SMYD3: variants seen among roughly 807,000 people sequenced by gnomAD.
The protein encoded by SMYD3 is histone-lysine N-methyltransferase SMYD3.
A neutral mutation model predicts 57.7 loss-of-function variants in SMYD3; 36 were observed. That is an observed-to-expected ratio of 0.62 (90% confidence interval 0.48 to 0.82). The LOEUF (loss-of-function observed/expected upper bound fraction) is 0.82, where lower values mean the gene tolerates loss of function less well. SMYD3 is among the 40% of genes least tolerant of loss of function. The pLI, the probability that SMYD3 is intolerant of heterozygous loss-of-function variation, is 0.00. For synonymous variants in SMYD3, 211 were observed against 195.0 expected (o/e 1.08, Z -0.68); for missense variants, 515 against 538.8 (o/e 0.96, Z 0.44).
At chr1:245,749,956 G>A (rs1464056840) in intron 11 of SMYD3, among the ~76,000 whole-genome samples, 1 of 152,178 alleles carries the variant, frequency 6.6e-6, no homozygotes, top group Non-Finnish European at 1.5e-5. Flanking sequence ...GGTAGTCACA[G>A]GGATAAGAAG....
At chr1:246,494,689 T>C (rs2068328591) in intron 1 of SMYD3, among the ~76,000 whole-genome samples, 1 of 152,214 alleles carries the variant, frequency 6.6e-6, no homozygotes, top group Non-Finnish European at 1.5e-5. Context: ...ATCTACTTTC[T>C]AACAAGACGT....
chr1:246,188,182 A>C (rs991532852), intron 5 of SMYD3, among the ~76,000 whole-genome samples: 2 of 152,200 alleles, frequency 1.3e-5, no homozygotes, highest in African/African-American at 4.8e-5. Flanking sequence ...CTGGCACTAC[A>C]GCAAGAGCAA....
At chr1:245,950,442 T>C (rs1188794501) in intron 5 of SMYD3, among the ~76,000 whole-genome samples, 1 of 152,198 alleles carries the variant, frequency 6.6e-6, no homozygotes, top group South Asian at 2.1e-4. Flanking sequence ...CAGCAGGATC[T>C]GAGTACAGGT....
intron 7 of SMYD3, among the ~76,000 whole-genome samples, chr1:245,922,527 G>C (rs984659289): frequency 6.6e-6 from 1 of 152,138 alleles, no homozygotes; most frequent in African/African-American, 2.4e-5. Flanking sequence ...ATTCTGCTTT[G>C]ATACGTAAGA....
At chr1:245,991,752 C>G (rs967973091) in intron 5 of SMYD3, among the ~76,000 whole-genome samples, 2 of 152,194 alleles carry the variant, frequency 1.3e-5, no homozygotes, top group Non-Finnish European at 2.9e-5. Flanking sequence ...AACTGAACCC[C>G]AGAAACGGCC....
At chr1:246,002,696 A>C (rs10924442) in intron 5 of SMYD3, among the ~76,000 whole-genome samples, 62,952 of 64,694 alleles carry the variant, frequency 0.97, 30,645 homozygotes, top group Non-Finnish European at 0.98. Flanking sequence ...TCGTGATCCG[A>C]CCGCCTCAGC....
chr1:246,127,267 T>C (rs2061523520), intron 5 of SMYD3, among the ~76,000 whole-genome samples: 1 of 152,080 alleles, frequency 6.6e-6, no homozygotes, highest in South Asian at 2.1e-4. Context: ...CTGAGTCAAC[T>C]GCAGCACCAA....
intron 5 of SMYD3, among the ~76,000 whole-genome samples, chr1:246,081,788 G>A (rs1056759060): frequency 6.6e-6 from 1 of 152,138 alleles, no homozygotes; most frequent in African/African-American, 2.4e-5. Flanking sequence ...CCTGAGCAAT[G>A]TAGCTCATAC....
At chr1:246,362,317 T>G (rs4654103) in intron 1 of SMYD3, among the ~76,000 whole-genome samples, 80,803 of 152,050 alleles carry the variant, frequency 0.53, 22,349 homozygotes, top group Middle Eastern at 0.72. Flanking sequence ...AATTACTACT[T>G]TAGACATGCT....
intron 10 of SMYD3, among the ~76,000 whole-genome samples, chr1:245,799,207 T>C (rs546877117): frequency 6.6e-6 from 1 of 152,226 alleles, no homozygotes; most frequent in African/African-American, 2.4e-5. Flanking sequence ...CTGGTCCTCC[T>C]ACACAGCTGT....
At chr1:246,466,755 G>C (rs998713029) in intron 1 of SMYD3, among the ~76,000 whole-genome samples, 2 of 152,210 alleles carry the variant, frequency 1.3e-5, no homozygotes, top group African/African-American at 4.8e-5. Context: ...GGCTGATGGG[G>C]GAGGATCACT....
intron 10 of SMYD3, among the ~76,000 whole-genome samples, chr1:245,812,518 T>C (rs148406151): frequency 1.3e-5 from 2 of 152,136 alleles, no homozygotes; most frequent in Non-Finnish European, 2.9e-5. Flanking sequence ...GCATCCTCCA[T>C]TGTGACCAAC....
Position 245,772,513 on chromosome 1 carries a change from G to C in SMYD3, c.1077-8364C>G, listed in dbSNP as rs144738543. On this transcript the variant is annotated intron_variant, in intron 10 of 11. Coordinates refer to ENST00000490107, the MANE Select transcript of SMYD3 (RefSeq NM_001167740.2). The stretch of plus-strand genomic sequence containing the variant: ...AAAGGAAAAAAAAACAATTTAACTA[G>C]TCAGCCATGCTTGGTGTTGCACAGC... Among the ~76,000 whole-genome samples the C allele has an allele frequency of 2.0e-3, 301 of 152,178 alleles. 6 individuals carry two copies. Among genetic ancestry groups the C allele is most frequent in the African/African-American group, 6.8e-3 (282 of 41,520 alleles).
chr1:246,122,170 G>T lies in SMYD3; in HGVS notation c.532-192233C>A, dbSNP rs191279406. 1.4e-3 allele frequency among the ~76,000 whole-genome samples: 211 copies of T among 152,272 alleles called. 1 individual carries two copies. The highest frequency in any genetic ancestry group is 1.9e-3 in the Non-Finnish European group (132 of 68,020). On this transcript the variant is annotated intron_variant, in intron 5 of 11. Coordinates refer to ENST00000490107, the MANE Select transcript of SMYD3 (RefSeq NM_001167740.2). ...CATGCCTGTAATCCCAGCACTTTGG[G>T]AGGCAGAGGCAGGAGAATCTCTTGA...
At chr1:246,501,488 G>A (rs1558493920) in intron 1 of SMYD3, among the ~76,000 whole-genome samples, 1 of 152,092 alleles carries the variant, frequency 6.6e-6, no homozygotes, top group Non-Finnish European at 1.5e-5. Flanking sequence ...CTACTTCTAA[G>A]CATGTACATA....
intron 5 of SMYD3, among the ~76,000 whole-genome samples, chr1:246,071,023 A>G (rs944957476): frequency 3.3e-5 from 5 of 152,254 alleles, no homozygotes; most frequent in African/African-American, 1.2e-4. Context: ...TGGTTCGATC[A>G]GAAATACTTG....
At chr1:246,278,212 G>A (rs1045565428) in intron 5 of SMYD3, among the ~76,000 whole-genome samples, 13 of 150,828 alleles carry the variant, frequency 8.6e-5, no homozygotes, top group Admixed American at 2.0e-4. Context: ...CATGTATGTC[G>A]ATGTCCCTTT....
intron 10 of SMYD3, among the ~76,000 whole-genome samples, chr1:245,777,970 C>A (rs1314660250): frequency 6.6e-6 from 1 of 152,026 alleles, no homozygotes; most frequent in Admixed American, 6.6e-5. Flanking sequence ...TGCCCCCACC[C>A]CCCAAAGAAA....
chr1:246,198,104 TCAG>T (rs1454173375), intron 5 of SMYD3, among the ~76,000 whole-genome samples: 1 of 152,190 alleles, frequency 6.6e-6, no homozygotes, highest in Non-Finnish European at 1.5e-5. Context: ...TCAGTTATGT[TCAG>T]CAGTCTTTGC....
Sources: allele counts gnomAD v4.1 joint callset (sites outside exome capture counted in the v4.1 genomes callset), GRCh38; gene constraint gnomAD v4.1.1; transcripts MANE v1.5; gene names NCBI Gene and HGNC (gene_info 2026-07-23, HGNC 2026-07-21).